Variants in PCDH7 observed in about 807,000 individuals in gnomAD.
PCDH7 encodes the protein protocadherin-7.
Under a neutral mutation model 58.9 loss-of-function variants are expected in PCDH7, and 17 were observed. The ratio of observed to expected loss-of-function variants is 0.29; its 90% CI spans 0.20 to 0.43. PCDH7 has a LOEUF of 0.43. Ranked by LOEUF, PCDH7 falls within the 20% of genes least tolerant of loss-of-function variation. The probability of loss-of-function intolerance (pLI) is 1.00; values close to 1 mark genes in which losing one functional copy is unlikely to be tolerated. For synonymous variants in PCDH7, 664 were observed against 616.4 expected (o/e 1.08, Z -1.14); for missense variants, 1,274 against 1,441.0 (o/e 0.88, Z 1.88).
intron 1 of PCDH7, among the ~76,000 whole-genome samples, chr4:30,763,197 G>A (rs1006477711): frequency 1.3e-5 from 2 of 152,112 alleles, no homozygotes; most frequent in Admixed American, 6.6e-5. Context: ...ACTCCGGCCT[G>A]GGGACAAGAG....
chr4:31,050,945 T>A (rs2109220281), intron 3 of PCDH7, among the ~76,000 whole-genome samples: 1 of 152,274 alleles, frequency 6.6e-6, no homozygotes, highest in African/African-American at 2.4e-5. Flanking sequence ...ACATTGTCTA[T>A]CCTCTGCTAT....
chr4:30,863,088 C>T (rs6825940), intron 1 of PCDH7, among the ~76,000 whole-genome samples: 11,004 of 152,194 alleles, frequency 0.072, 582 homozygotes, highest in Non-Finnish European at 0.11. Flanking sequence ...TTTCAAAGCA[C>T]TCCAAATTCG....
At position 30,923,775 on chromosome 4, in the gene PCDH7, T is replaced by C. The variant is rs149249659; in HGVS notation, c.287+3406T>C. Among the ~76,000 whole-genome samples the C allele has an allele frequency of 5.9e-3, 895 of 152,298 alleles. 6 individuals carry two copies. Among genetic ancestry groups the C allele is most frequent in the African/African-American group, 0.021 (856 of 41,570 alleles). ...TATATTTCTTTGCCTTTAATTATCATCATTATGATAATTTCATGCTAATCT... is the reference window on the plus strand; with the variant it reads ...TATATTTCTTTGCCTTTAATTATCACCATTATGATAATTTCATGCTAATCT... On this transcript the variant is annotated intron_variant, in intron 2 of 3. Coordinates refer to the PCDH7 transcript ENST00000509759.
At chr4:30,921,330 A>C (rs932583313) in intron 2 of PCDH7, among the ~76,000 whole-genome samples, 50 of 152,270 alleles carry the variant, frequency 3.3e-4, no homozygotes, top group African/African-American at 1.2e-3. Flanking sequence ...GTCTTTTGCC[A>C]TCTCAACCCC....
chr4:31,098,505 C>T (rs961578880), intron 3 of PCDH7, among the ~76,000 whole-genome samples: 2 of 152,100 alleles, frequency 1.3e-5, no homozygotes, highest in East Asian at 1.9e-4. Context: ...AAAAGTTGAT[C>T]GTTGCTACAA....
chr4:30,754,171 T>C (rs572259983), intron 1 of PCDH7, among the ~76,000 whole-genome samples: 283 of 139,802 alleles, frequency 2.0e-3, no homozygotes, highest in Non-Finnish European at 2.7e-3. Context: ...GGTGTGTGTG[T>C]GTGTGTGTGT....
Position 30,783,773 on chromosome 4 carries a change from G to A in PCDH7, c.70+59177G>A, listed in dbSNP as rs116367831. Among the ~76,000 whole-genome samples the A allele has an allele frequency of 6.0e-3, 906 of 152,148 alleles. 8 individuals are homozygous for A. The highest frequency in any genetic ancestry group is 6.5e-3 in the Non-Finnish European group (439 of 68,004). ...TTGTTGGCCAAGAAGGTCTAGAGAA[G>A]GTAAACAATATAGCTTTTATATAAG... is the stretch of plus-strand genomic sequence containing the variant. On this transcript the variant is annotated intron_variant, in intron 1 of 3. Transcript: ENST00000509759.
intron 1 of PCDH7, among the ~76,000 whole-genome samples, chr4:30,739,595 G>A (rs1716804046): frequency 6.6e-6 from 1 of 152,038 alleles, no homozygotes; most frequent in Non-Finnish European, 1.5e-5. Context: ...ATACTGTTAG[G>A]TCAAGGATAT....
At chr4:30,749,722 C>T (rs1047280474) in intron 1 of PCDH7, among the ~76,000 whole-genome samples, 3 of 152,106 alleles carry the variant, frequency 2.0e-5, no homozygotes, top group African/African-American at 7.2e-5. Flanking sequence ...TATCCGAAAC[C>T]AGTGAATCCT....
chr4:31,130,022 A>G lies in PCDH7; in HGVS notation c.*8-12451A>G, dbSNP rs190069728. The stretch of plus-strand genomic sequence containing the variant: ...AACAAAAAATAAGTGATGAACAAAT[A>G]ATAAACATCAGAAATCACAAAAATG... On this transcript the variant is annotated intron_variant, in intron 3 of 3. Coordinates refer to the PCDH7 transcript ENST00000509759. 1.2e-3 allele frequency among the ~76,000 whole-genome samples: 178 copies of G among 152,286 alleles called. 1 individual carries two copies. Among genetic ancestry groups the G allele is most frequent in the African/African-American group, 4.1e-3 (170 of 41,564 alleles).
intron 1 of PCDH7, among the ~76,000 whole-genome samples, chr4:30,829,212 C>T (rs1055283456): frequency 6.6e-6 from 1 of 151,976 alleles, no homozygotes; most frequent in Non-Finnish European, 1.5e-5. Flanking sequence ...GGACTCTACC[C>T]AGGGAACCAC....
intron 1 of PCDH7, among the ~76,000 whole-genome samples, chr4:30,834,471 A>G (rs544244473): frequency 2.0e-5 from 3 of 152,172 alleles, no homozygotes; most frequent in Non-Finnish European, 4.4e-5. Context: ...CCAGGATTTT[A>G]AACTGAGGTG....
intron 3 of PCDH7, among the ~76,000 whole-genome samples, chr4:31,139,135 C>T (rs865805434): frequency 1.1e-3 from 166 of 152,162 alleles, no homozygotes; most frequent in African/African-American, 3.5e-3. Context: ...TAAGCAAGAA[C>T]AGGATTTGAT....
At chr4:31,127,262 T>C (rs1440822960) in intron 3 of PCDH7, among the ~76,000 whole-genome samples, 1 of 152,186 alleles carries the variant, frequency 6.6e-6, no homozygotes, top group Non-Finnish European at 1.5e-5. Context: ...CTCACGCTTT[T>C]CTTAAGTCAT....
chr4:30,724,627 C>A (rs750699630), intron 1 of PCDH7, 31 bp downstream of exon 1: 13 of 1,603,820 alleles, frequency 8.1e-6, no homozygotes, highest in Non-Finnish European at 1.1e-5. Context: ...ATTTAAATAT[C>A]CCAGGGAGGG....
intron 1 of PCDH7, among the ~76,000 whole-genome samples, chr4:30,756,905 C>T (rs948165355): frequency 1.3e-5 from 2 of 152,176 alleles, no homozygotes; most frequent in East Asian, 1.9e-4. Flanking sequence ...CTGTTTTTTG[C>T]TAAGTCTCCT....
chr4:31,065,574 A>G (rs1428567650), intron 3 of PCDH7, among the ~76,000 whole-genome samples: 1 of 152,010 alleles, frequency 6.6e-6, no homozygotes, highest in African/African-American at 2.4e-5. Context: ...ACTTTAAAAA[A>G]ATAAGTGGCA....
At chr4:31,029,399 C>T (rs1754712035) in intron 3 of PCDH7, among the ~76,000 whole-genome samples, 1 of 152,138 alleles carries the variant, frequency 6.6e-6, no homozygotes, top group African/African-American at 2.4e-5. Flanking sequence ...TAGAGGGGCG[C>T]TCAGCAGATG....
At chr4:30,901,748 T>C (rs1480714801) in intron 1 of PCDH7, among the ~76,000 whole-genome samples, 1 of 152,174 alleles carries the variant, frequency 6.6e-6, no homozygotes, top group Non-Finnish European at 1.5e-5. Context: ...AAAACTCTTA[T>C]CAGAAGTGGC....
Sources: gnomAD v4.1 joint callset for allele counts (sites outside exome capture counted in the v4.1 genomes callset) on GRCh38, gnomAD v4.1.1 for gene constraint, MANE v1.5 for transcripts, NCBI Gene and HGNC (gene_info 2026-07-23, HGNC 2026-07-21) for gene names.